Variants in INSYN2A observed in about 807,000 individuals in gnomAD.
INSYN2A encodes family with sequence similarity 196 member A.
A neutral mutation model predicts 39.4 loss-of-function variants in INSYN2A; 17 were observed. That is an observed-to-expected ratio of 0.43 (90% CI 0.30 to 0.65). The LOEUF (loss-of-function observed/expected upper bound fraction) is 0.65, where lower values mean the gene tolerates loss of function less well. INSYN2A is among the 30% of genes least tolerant of loss of function. The pLI is 0.14. For missense variants in INSYN2A, 595 were observed against 631.2 expected, an observed-to-expected ratio of 0.94 and a Z score of 0.61; for synonymous variants, 255 against 265.7, an observed-to-expected ratio of 0.96 and a Z score of 0.39.
In INSYN2A at chr10:127,176,492, C is replaced by T. The variant is rs1413939982; in HGVS notation, c.-5-92G>A. 9.7e-7 allele frequency: 1 copy of T among 1,033,880 alleles called. No individual in the cohort carries two copies. Among genetic ancestry groups the T allele is most frequent in the African/African-American group, 1.6e-5 (1 of 63,156 alleles). 64.0% of individuals were successfully genotyped at this position (1,033,880 alleles called of 1,614,324 possible). Reference sequence around the variant, plus strand: ...AAACTTTTAGCCACCACGACGACTGCCTGTTTCCTAATTATATTTAAGCAG... The same window carrying T: ...AAACTTTTAGCCACCACGACGACTGTCTGTTTCCTAATTATATTTAAGCAG... On this transcript the variant is annotated intron_variant, in intron 3 of 5. Transcript: ENST00000522781. The surrounding 1 kb of genome is among the most constrained non-coding windows in gnomAD (Gnocchi z 4.4).
chr10:127,158,504 A>G (rs2053293195), intron 4 of INSYN2A, among the ~76,000 whole-genome samples: 1 of 152,210 alleles, frequency 6.6e-6, no homozygotes, highest in Non-Finnish European at 1.5e-5. Context: ...TGTATTATAT[A>G]TACATAGGCT....
intron 1 of INSYN2A, among the ~76,000 whole-genome samples, chr10:127,192,972 T>C (rs1392787520): frequency 6.6e-6 from 1 of 152,214 alleles, no homozygotes; most frequent in African/African-American, 2.4e-5. Context: ...GCTCCAGTAT[T>C]GGAATAAAGA....
intron 1 of INSYN2A, among the ~76,000 whole-genome samples, chr10:127,193,981 T>C (rs75864299): frequency 0.023 from 3,439 of 152,340 alleles, 55 homozygotes; most frequent in Middle Eastern, 0.048. Context: ...ATAAAGGGCC[T>C]GACTTACATG....
chr10:127,148,943 C>T (rs1225888087), intron 5 of INSYN2A, among the ~76,000 whole-genome samples: 1 of 152,146 alleles, frequency 6.6e-6, no homozygotes, highest in African/African-American at 2.4e-5. Context: ...TGTCAACCAT[C>T]TCAAAATTTG....
intron 4 of INSYN2A, among the ~76,000 whole-genome samples, chr10:127,160,575 A>G: frequency 6.6e-6 from 1 of 152,364 alleles, no homozygotes; most frequent in African/African-American, 2.4e-5. Context: ...GTCAGGGAGC[A>G]GCACGTTGGA....
In INSYN2A at chr10:127,176,028, T is replaced by C. The variant is rs781103257; in HGVS notation, c.368A>G (p.Lys123Arg). 1 of 1,614,208 alleles carries C rather than the reference T, an allele frequency of 6.2e-7. No homozygotes were observed. The highest frequency in any genetic ancestry group is 8.5e-7 in the Non-Finnish European group (1 of 1,180,044). ...TGGGAGGCTTTTGAGGTTCCCCTTT[T>C]TGCGGTCCAGAGGGAACGTCTGGTA... is the stretch of plus-strand genomic sequence containing the variant. ...KCYQTFPLDR[K>R]KGNLKSLPAA... is the part of the protein sequence containing the mutation. Residue 123 changes from lysine to arginine, a missense_variant, in exon 4 of 6, where the codon AAA becomes AGA. Lys to Arg is a conservative substitution (Grantham distance 26). Around this residue, in one of 2 missense-constraint regions of INSYN2A, gnomAD observed 478 missense variants for 467.4 expected, o/e 1.02. Transcript: ENST00000522781. This position sits in a 1 kb window ranked among gnomAD's most constrained non-coding sequence, Gnocchi z 4.4.
chr10:127,182,297 C>G (rs2055811282), intron 2 of INSYN2A, among the ~76,000 whole-genome samples: 1 of 152,160 alleles, frequency 6.6e-6, no homozygotes, highest in Non-Finnish European at 1.5e-5. Context: ...TTAGAAAACA[C>G]TCTTAACGAA....
At chr10:127,195,851 G>A (rs1310082361) in intron 1 of INSYN2A, 146 bp downstream of exon 1, 4 of 152,282 alleles carry the variant, frequency 2.6e-5, no homozygotes, top group South Asian at 2.1e-4. Flanking sequence ...CCGGCCCCGG[G>A]AGCCGCCGAG....
chr10:127,186,215 T>C (rs902781031), intron 2 of INSYN2A, among the ~76,000 whole-genome samples: 5 of 152,192 alleles, frequency 3.3e-5, no homozygotes, highest in South Asian at 2.1e-4. Flanking sequence ...AAGAAATGCC[T>C]GAGACTGGGT....
chr10:127,160,961 A>G (rs2133662729), intron 4 of INSYN2A, among the ~76,000 whole-genome samples: 1 of 152,320 alleles, frequency 6.6e-6, no homozygotes, highest in African/African-American at 2.4e-5. Context: ...TCTCAAAGTG[A>G]CATTAATTAG....
intron 4 of INSYN2A, among the ~76,000 whole-genome samples, chr10:127,159,693 A>T (rs1325506672): frequency 6.6e-6 from 1 of 152,126 alleles, no homozygotes; most frequent in Non-Finnish European, 1.5e-5. Flanking sequence ...CCTTTTACGG[A>T]CCGTTGGCAA....
intron 2 of INSYN2A, among the ~76,000 whole-genome samples, chr10:127,186,525 G>C (rs60617392): frequency 0.092 from 2,281 of 24,820 alleles, 67 homozygotes; most frequent in Non-Finnish European, 0.15. Context: ...GCCCCCCCCC[G>C]ATCCAGTTAC....
At chr10:127,158,593 A>C (rs2053302995) in intron 4 of INSYN2A, among the ~76,000 whole-genome samples, 1 of 152,200 alleles carries the variant, frequency 6.6e-6, no homozygotes, top group African/African-American at 2.4e-5. Context: ...CATAGAGTCC[A>C]TATTTGTATT....
intron 2 of INSYN2A, among the ~76,000 whole-genome samples, chr10:127,190,484 T>C (rs1456952322): frequency 6.6e-6 from 1 of 152,196 alleles, no homozygotes; most frequent in Admixed American, 6.5e-5. Flanking sequence ...GCACCTGTTA[T>C]AGATACTACT....
chr10:127,153,785 G>T, intron 5 of INSYN2A, 67 bp downstream of exon 5: 1 of 1,248,422 alleles, frequency 8.0e-7, no homozygotes, highest in Non-Finnish European at 1.2e-6. Context: ...GATCGTTCTT[G>T]CATTTGTGGG....
At chr10:127,188,761 C>T (rs1024390942) in intron 2 of INSYN2A, among the ~76,000 whole-genome samples, 4 of 152,248 alleles carry the variant, frequency 2.6e-5, no homozygotes, top group Admixed American at 6.5e-5. Context: ...TTGTGTATAA[C>T]ACTCAGCACA....
chr10:127,189,393 C>T (rs985655933), intron 2 of INSYN2A, among the ~76,000 whole-genome samples: 3 of 152,160 alleles, frequency 2.0e-5, no homozygotes, highest in Non-Finnish European at 2.9e-5. Flanking sequence ...TGAGCCTGGG[C>T]ACTCTGTCTG....
chr10:127,195,909 G>A (rs1274881852), intron 1 of INSYN2A, 88 bp downstream of exon 1: 1 of 152,230 alleles, frequency 6.6e-6, no homozygotes, highest in East Asian at 1.9e-4. Context: ...CCGAATCGGG[G>A]TCGGCGCCCG....
chr10:127,158,441 G>T (rs2053286526), intron 4 of INSYN2A, among the ~76,000 whole-genome samples: 1 of 152,188 alleles, frequency 6.6e-6, no homozygotes, highest in African/African-American at 2.4e-5. Context: ...TTTCTGTCTT[G>T]CAGATTAATT....
Sources: gnomAD v4.1 joint callset for allele counts (sites outside exome capture counted in the v4.1 genomes callset) on GRCh38, gnomAD v4.1.1 for gene constraint, gnomAD v4.1.1 regional missense constraint, Gnocchi (gnomAD v3.1) non-coding constraint, MANE v1.5 for transcripts, NCBI Gene and HGNC (gene_info 2026-07-23, HGNC 2026-07-21) for gene names.